Variants in MEG3 observed in about 807,000 individuals in gnomAD.
MEG3 encodes maternally expressed 3.
intron 2 of MEG3, among the ~76,000 whole-genome samples, chr14:100,836,755 C>T (rs542722074): frequency 5.9e-4 from 90 of 152,346 alleles, no homozygotes; most frequent in African/African-American, 2.2e-3. Flanking sequence ...TTTCCACCAG[C>T]CATGGTAGCG....
intron 3 of MEG3, chr14:100,852,019 G>T: frequency 4.4e-6 from 1 of 229,726 alleles, no homozygotes; most frequent in Non-Finnish European, 8.9e-6. Flanking sequence ...TTCTTAACAA[G>T]CGCCCGGAGC....
In MEG3 at chr14:100,840,676, C is replaced by T. The variant is rs563603511; in HGVS notation, n.3045+4376C>T. On this transcript the variant is annotated intron_variant and non_coding_transcript_variant, in intron 2 of 3. Coordinates refer to the MEG3 transcript ENST00000398461. ...GGTTCGCGCGACCCTGGGATGCTCA[C>T]GCTCTTAGATTCTAGGGCTTGATTT... Among the ~76,000 whole-genome samples the T allele has an allele frequency of 4.1e-4, 62 of 152,292 alleles. 1 individual carries two copies. Among genetic ancestry groups the T allele is most frequent in the Admixed American group, 1.4e-3 (21 of 15,296 alleles).
At chr14:100,826,934 G>A (rs914666427) in intron 1 of MEG3, among the ~76,000 whole-genome samples, 23 of 152,108 alleles carry the variant, frequency 1.5e-4, no homozygotes, top group African/African-American at 5.1e-4. Flanking sequence ...TTGCCGAAGG[G>A]GGGTCGTGGG....
intron 2 of MEG3, among the ~76,000 whole-genome samples, chr14:100,843,597 A>G (rs1318158304): frequency 3.9e-5 from 6 of 152,166 alleles, no homozygotes; most frequent in African/African-American, 9.7e-5. Context: ...AAGGCCAGGG[A>G]AGGAGATTTT....
At chr14:100,841,497 C>T (rs994668641) in intron 2 of MEG3, among the ~76,000 whole-genome samples, 15 of 152,196 alleles carry the variant, frequency 9.9e-5, no homozygotes, top group African/African-American at 2.9e-4. Flanking sequence ...GTCACTGGTC[C>T]GCTGCCCCCT....
At chr14:100,826,889 G>C (rs1461501955) in intron 1 of MEG3, among the ~76,000 whole-genome samples, 3 of 152,058 alleles carry the variant, frequency 2.0e-5, no homozygotes, top group Non-Finnish European at 4.4e-5. Context: ...TGGCGCCCAA[G>C]TGCAAACCTG....
chr14:100,860,523 G>T (rs914101317), intron 1 of MEG3, among the ~76,000 whole-genome samples: 1 of 152,116 alleles, frequency 6.6e-6, no homozygotes, highest in African/African-American at 2.4e-5. Flanking sequence ...TAGACAGGCC[G>T]AGCTGGTGGC....
chr14:100,847,313 A>G (rs2139987338), intron 3 of MEG3: 1 of 152,352 alleles, frequency 6.6e-6, no homozygotes, highest in East Asian at 1.9e-4. Flanking sequence ...AAAAGTCTAC[A>G]TTGCGTGTGT....
chr14:100,854,895 G>A (rs1053047555), upstream of MEG3: 1 of 152,724 alleles, frequency 6.5e-6, no homozygotes, highest in African/African-American at 2.4e-5. Context: ...GAACATTTTG[G>A]ATCAGGACTG....
chr14:100,844,025 T>G (rs1595285226), intron 2 of MEG3, among the ~76,000 whole-genome samples: 1 of 150,892 alleles, frequency 6.6e-6, no homozygotes, highest in African/African-American at 2.4e-5. Context: ...AGAGACGGGG[T>G]TTCATCATGT....
chr14:100,832,392 A>T (rs1233218240), downstream of MEG3: 1 of 152,132 alleles, frequency 6.6e-6, no homozygotes, highest in Non-Finnish European at 1.5e-5. Flanking sequence ...TAAATCCTGA[A>T]GGTACACGAA....
exon 1 of MEG3, chr14:100,834,546 C>T: frequency 2.6e-6 from 1 of 387,890 alleles, no homozygotes; most frequent in Non-Finnish European, 5.2e-6. Flanking sequence ...TAACCTGGCT[C>T]CTTGAGTCCC....
At chr14:100,860,989 T>C in exon 2 of MEG3, 1 of 275,118 alleles carries the variant, frequency 3.6e-6, no homozygotes, top group South Asian at 3.1e-5. Flanking sequence ...CGCACCCCAC[T>C]GTGCTCTCAA....
chr14:100,830,118 C>T (rs537612593), downstream of MEG3: 4 of 152,228 alleles, frequency 2.6e-5, no homozygotes, highest in East Asian at 1.9e-4. Flanking sequence ...ACCCCTTCTT[C>T]CCCTCTGGCC....
downstream of MEG3, chr14:100,830,578 A>G (rs1271660461): frequency 6.6e-6 from 1 of 152,198 alleles, no homozygotes; most frequent in Admixed American, 6.5e-5. Context: ...TTTGTGTTCA[A>G]TTAAGAAATT....
intron 3 of MEG3, chr14:100,849,203 C>T (rs1188722002): frequency 1.3e-5 from 2 of 152,130 alleles, no homozygotes; most frequent in East Asian, 3.9e-4. Flanking sequence ...GGAGAGAAGG[C>T]AGCAAGAATT....
upstream of MEG3, chr14:100,852,673 T>A (rs761756212): frequency 1.1e-5 from 3 of 266,092 alleles, no homozygotes; most frequent in Admixed American, 1.4e-4. Flanking sequence ...AAAGAACTCA[T>A]GTACGGCTGT....
In MEG3 at chr14:100,837,017, CG is replaced by C. The variant is rs560146798; in HGVS notation, n.3045+720del. Among the ~76,000 whole-genome samples the C allele has an allele frequency of 6.6e-6, 1 of 152,144 alleles. No homozygotes were observed. Among genetic ancestry groups the C allele is most frequent in the Non-Finnish European group, 1.5e-5 (1 of 68,032 alleles). On this transcript the variant is annotated intron_variant and non_coding_transcript_variant, in intron 2 of 3. Coordinates refer to the MEG3 transcript ENST00000398461. The surrounding 1 kb of genome is among the most constrained non-coding windows in gnomAD (Gnocchi z 5.8). ...GTGTTTTACTAATTCAAGATGCAGC[CG>C]GGAGCCGTCCAGGGCTCGGGCCTGG...
chr14:100,836,313 C>T, intron 2 of MEG3: 1 of 456,200 alleles, frequency 2.2e-6, no homozygotes, highest in South Asian at 1.6e-5. Context: ...GAGTTTCTTG[C>T]TTTCTTGAGA....
Sources: gnomAD v4.1 joint callset for allele counts (sites outside exome capture counted in the v4.1 genomes callset) on GRCh38, gnomAD v4.1.1 for gene constraint, Gnocchi (gnomAD v3.1) non-coding constraint, MANE v1.5 for transcripts, NCBI Gene and HGNC (gene_info 2026-07-23, HGNC 2026-07-21) for gene names.